Variants in TRMT11 observed in about 807,000 individuals in gnomAD.
TRMT11 encodes tRNA (guanine(10)-N(2))-methyltransferase TRMT11.
In TRMT11, 53 loss-of-function variants were observed where a neutral mutation model predicts 62.8. The observed-to-expected ratio is 0.84, with a 90% CI of 0.68 to 1.06. TRMT11 has a LOEUF of 1.06. Ranked by LOEUF, TRMT11 falls within the 50% of genes least tolerant of loss-of-function variation. The pLI, the probability that TRMT11 is intolerant of heterozygous loss-of-function variation, is 0.00. For synonymous variants in TRMT11, 188 were observed against 190.3 expected (o/e 0.99, Z 0.10); for missense variants, 556 against 553.4 (o/e 1.00, Z -0.05).
chr6:126,182,844 C>T (rs968084441), intron 1 of TRMT11, among the ~76,000 whole-genome samples: 1 of 152,032 alleles, frequency 6.6e-6, no homozygotes, highest in Non-Finnish European at 1.5e-5. Context: ...CTCAGATCAC[C>T]TTTTTTATTT....
intron 21 of TRMT11, among the ~76,000 whole-genome samples, chr6:126,164,858 G>A (rs1380540446): frequency 1.3e-5 from 2 of 151,772 alleles, no homozygotes; most frequent in Non-Finnish European, 2.9e-5. Context: ...CCTTTATTTT[G>A]AGCCTATGTG....
At chr6:126,196,982 T>A (rs1052339025) in intron 1 of TRMT11, among the ~76,000 whole-genome samples, 1 of 152,126 alleles carries the variant, frequency 6.6e-6, no homozygotes, top group Non-Finnish European at 1.5e-5. Context: ...TCAAAAAAAA[T>A]GAGAAGATAC....
chr6:126,166,105 G>A (rs1325995319), intron 21 of TRMT11, among the ~76,000 whole-genome samples: 1 of 152,020 alleles, frequency 6.6e-6, no homozygotes, highest in South Asian at 2.1e-4. Flanking sequence ...GCTTCATGAA[G>A]TTCTTGTGCT....
At position 126,066,922 on chromosome 6, in the gene TRMT11, T is replaced by TA. The variant is rs371763379; in HGVS notation, c.*1437+13748dup. The stretch of plus-strand genomic sequence containing the variant: ...CAACTGACCAACTTCATTCATGACT[T>TA]AAAAAAAAAAAAAAAATAAGGGCCG... On this transcript the variant is annotated intron_variant and NMD_transcript_variant, in intron 17 of 22. Transcript: ENST00000648977. Among the ~76,000 whole-genome samples, 169 of 137,192 alleles carry TA rather than the reference T, an allele frequency of 1.2e-3. 1 individual carries two copies. The highest frequency in any genetic ancestry group is 2.1e-3 in the East Asian group (10 of 4,726). The allele number at this position is 137,192 out of a possible 152,430, so 90.0% of individuals were successfully genotyped here.
chr6:126,259,477 G>A, the TRMT11 span, among the ~76,000 whole-genome samples: 9 of 152,340 alleles, frequency 5.9e-5, no homozygotes, highest in South Asian at 1.0e-3. Context: ...GATTATAGGC[G>A]TGAGCCACCG....
intron 21 of TRMT11, among the ~76,000 whole-genome samples, chr6:126,143,025 G>A (rs1777936213): frequency 6.6e-6 from 1 of 151,948 alleles, no homozygotes; most frequent in Non-Finnish European, 1.5e-5. Context: ...TATTAGTTCA[G>A]GCACTAATGT....
chr6:126,205,314 C>T (rs758337865), downstream of TRMT11, among the ~76,000 whole-genome samples: 17 of 152,110 alleles, frequency 1.1e-4, no homozygotes, highest in Non-Finnish European at 2.4e-4. Flanking sequence ...ACCAGCCTGA[C>T]CAACATGGTG....
At chr6:126,264,619 T>C in the TRMT11 span, among the ~76,000 whole-genome samples, 1 of 152,188 alleles carries the variant, frequency 6.6e-6, no homozygotes, top group Non-Finnish European at 1.5e-5. Context: ...GTAAAAGAGA[T>C]TGCTCTCTGT....
At chr6:126,072,396 G>T (rs1043531021) in intron 17 of TRMT11, among the ~76,000 whole-genome samples, 1 of 152,130 alleles carries the variant, frequency 6.6e-6, no homozygotes, top group South Asian at 2.1e-4. Context: ...AAGGAAATCG[G>T]TGTTATTTCT....
At chr6:126,093,614 T>C (rs1348915813) in intron 17 of TRMT11, among the ~76,000 whole-genome samples, 1 of 93,326 alleles carries the variant, frequency 1.1e-5, no homozygotes, top group African/African-American at 6.8e-5. Flanking sequence ...TATATATATA[T>C]ATATATATAT....
chr6:126,103,945 G>A (rs1028881379), intron 17 of TRMT11, among the ~76,000 whole-genome samples: 1 of 152,148 alleles, frequency 6.6e-6, no homozygotes, highest in Non-Finnish European at 1.5e-5. Context: ...ACAAGAATCT[G>A]GGGTCATGGG....
downstream of TRMT11, among the ~76,000 whole-genome samples, chr6:126,042,204 C>A (rs567976473): frequency 1.5e-4 from 23 of 152,230 alleles, no homozygotes; most frequent in African/African-American, 5.3e-4. Context: ...ATCATAGAGA[C>A]CAGCACATTC....
the TRMT11 span, among the ~76,000 whole-genome samples, chr6:126,242,853 C>T: frequency 6.6e-6 from 1 of 152,150 alleles, no homozygotes; most frequent in Admixed American, 6.5e-5. Flanking sequence ...CTAGGCAATA[C>T]CATTCAGGAC....
At chr6:126,152,492 A>G (rs1778071265) in intron 21 of TRMT11, among the ~76,000 whole-genome samples, 1 of 152,208 alleles carries the variant, frequency 6.6e-6, no homozygotes, top group South Asian at 2.1e-4. Context: ...AAGGATTATT[A>G]GCATTACAAG....
intron 3 of TRMT11, among the ~76,000 whole-genome samples, chr6:126,200,077 C>A (rs1047790250): frequency 6.6e-6 from 1 of 152,112 alleles, no homozygotes; most frequent in African/African-American, 2.4e-5. Flanking sequence ...GCTGCAGGGC[C>A]TAACCAACTT....
intron 16 of TRMT11, among the ~76,000 whole-genome samples, chr6:126,049,931 T>C (rs1431723027): frequency 6.6e-6 from 1 of 152,306 alleles, no homozygotes; most frequent in South Asian, 2.1e-4. Flanking sequence ...AGGTACTAAC[T>C]AGACTTAACT....
At chr6:126,028,341 T>A (rs1773572315) in intron 12 of TRMT11, among the ~76,000 whole-genome samples, 2 of 152,154 alleles carry the variant, frequency 1.3e-5, no homozygotes, top group Non-Finnish European at 2.9e-5. Context: ...GGACATAAAC[T>A]CATTCTAGGT....
intron 21 of TRMT11, among the ~76,000 whole-genome samples, chr6:126,128,858 G>T (rs1264942840): frequency 2.0e-5 from 3 of 151,458 alleles, no homozygotes; most frequent in Admixed American, 1.3e-4. Context: ...TGATTACTCT[G>T]AACACGTAGG....
At chr6:126,105,361 T>G (rs1280448480) in intron 17 of TRMT11, among the ~76,000 whole-genome samples, 1 of 152,204 alleles carries the variant, frequency 6.6e-6, no homozygotes, top group Non-Finnish European at 1.5e-5. Flanking sequence ...GTGAGTGAAT[T>G]TATATGAACC....
Sources: allele counts gnomAD v4.1 joint callset (sites outside exome capture counted in the v4.1 genomes callset), GRCh38; gene constraint gnomAD v4.1.1; transcripts MANE v1.5; gene names NCBI Gene and HGNC (gene_info 2026-07-23, HGNC 2026-07-21).